The following CYYR1 variants were observed in gnomAD, a reference collection of about 807,000 sequenced individuals.
CYYR1 encodes cysteine and tyrosine rich 1.
In CYYR1, 14 loss-of-function variants were observed where a neutral mutation model predicts 15.2. The observed-to-expected ratio is 0.92, with a 90% CI of 0.61 to 1.44. The LOEUF is 1.44. CYYR1 is among the 40% of genes most tolerant of loss of function. The probability of loss-of-function intolerance (pLI) is 0.00; values close to 1 mark genes in which losing one functional copy is unlikely to be tolerated. For missense variants in CYYR1, 228 were observed against 209.5 expected (o/e 1.09, Z -0.54); for synonymous variants, 80 against 77.4 (o/e 1.03, Z -0.18).
chr21:26,531,212 CA>C (rs1294709309), intron 2 of CYYR1, among the ~76,000 whole-genome samples: 3 of 152,270 alleles, frequency 2.0e-5, no homozygotes, highest in South Asian at 4.1e-4. Context: ...AAACATTTTG[CA>C]TCAGTGGCTC....
At chr21:26,507,242 T>C (rs2065579866) in intron 2 of CYYR1, among the ~76,000 whole-genome samples, 1 of 152,184 alleles carries the variant, frequency 6.6e-6, no homozygotes, top group South Asian at 2.1e-4. Flanking sequence ...CAACAAAACA[T>C]GCCTTATGCT....
chr21:26,544,296 C>T (rs1476153144), intron 2 of CYYR1, among the ~76,000 whole-genome samples: 1 of 152,140 alleles, frequency 6.6e-6, no homozygotes, highest in Admixed American at 6.5e-5. Context: ...AAAATATGAA[C>T]TTAACAAGAC....
At position 26,468,309 on chromosome 21, in the gene CYYR1, T is replaced by C. The variant is rs576779627; in HGVS notation, c.*192A>G. 12 of 614,332 alleles carry C rather than the reference T, an allele frequency of 2.0e-5. No homozygotes were observed. In the South Asian group the frequency reaches 2.2e-4, roughly 11 times the overall value. 38.1% of individuals were successfully genotyped at this position (614,332 alleles called of 1,614,324 possible). A position where few individuals can be genotyped will look rare whatever the true frequency, so the allele number is the denominator to read the frequency against. On this transcript the variant is annotated 3_prime_UTR_variant, in exon 4 of 4. Coordinates refer to ENST00000652641, the MANE Select transcript of CYYR1 (RefSeq NM_001320768.2). ...AATGTGGTTCCATAGAACCAAACAT[T>C]AATACTCCAGATGGGGTCAGCTTTG...
At chr21:26,500,864 CAT>C (rs1310741196) in intron 2 of CYYR1, among the ~76,000 whole-genome samples, 2 of 152,164 alleles carry the variant, frequency 1.3e-5, no homozygotes, top group African/African-American at 4.8e-5. Flanking sequence ...TGTTTTGAGA[CAT>C]AGAAGACTTG....
chr21:26,484,388 C>T (rs1207688677), intron 2 of CYYR1, among the ~76,000 whole-genome samples: 1 of 152,024 alleles, frequency 6.6e-6, no homozygotes, highest in Non-Finnish European at 1.5e-5. Flanking sequence ...AAATAGAATG[C>T]CATTAAGAAT....
At chr21:26,509,609 A>G (rs2065618563) in intron 2 of CYYR1, among the ~76,000 whole-genome samples, 1 of 152,106 alleles carries the variant, frequency 6.6e-6, no homozygotes, top group Non-Finnish European at 1.5e-5. Flanking sequence ...GAAAAAGTTT[A>G]TTTCTTCCTC....
intron 2 of CYYR1, among the ~76,000 whole-genome samples, chr21:26,513,997 G>A (rs2065686553): frequency 6.6e-6 from 1 of 151,718 alleles, no homozygotes; most frequent in Non-Finnish European, 1.5e-5. Context: ...ACACCAACAT[G>A]GCACATGTAT....
At chr21:26,506,620 G>A (rs1687783588) in intron 2 of CYYR1, 1 of 152,162 alleles carries the variant, frequency 6.6e-6, no homozygotes, top group Non-Finnish European at 1.5e-5. Flanking sequence ...TTTTTGGTAT[G>A]AAGATCTCCA....
intron 2 of CYYR1, among the ~76,000 whole-genome samples, chr21:26,563,249 T>C (rs1176740050): frequency 6.6e-6 from 1 of 151,866 alleles, no homozygotes; most frequent in East Asian, 1.9e-4. Context: ...TTGCCAAAAT[T>C]CACTCATATT....
intron 2 of CYYR1, among the ~76,000 whole-genome samples, chr21:26,510,799 A>G (rs189745079): frequency 1.3e-5 from 2 of 152,326 alleles, no homozygotes; most frequent in East Asian, 3.9e-4. Flanking sequence ...AAGTTTGTTG[A>G]GGATGGTAAA....
At chr21:26,476,576 CCTATCTATCATCTATCTATCTAT>C (rs1427022839) in intron 3 of CYYR1, among the ~76,000 whole-genome samples, 3 of 132,456 alleles carry the variant, frequency 2.3e-5, no homozygotes, top group African/African-American at 9.2e-5. Context: ...GTTTGTCTAC[CCTATCTATCATCTATCTATCTAT>C]CTATCTATCT....
chr21:26,502,480 T>G (rs1051910748), intron 2 of CYYR1, among the ~76,000 whole-genome samples: 2 of 152,140 alleles, frequency 1.3e-5, no homozygotes, highest in Non-Finnish European at 2.9e-5. Context: ...AAGTCACTTA[T>G]GAAGTTAAAT....
intron 2 of CYYR1, among the ~76,000 whole-genome samples, chr21:26,563,809 A>C (rs959112457): frequency 2.6e-5 from 4 of 152,102 alleles, no homozygotes; most frequent in African/African-American, 7.2e-5. Flanking sequence ...AAACCAACCA[A>C]TTTGCAAACA....
chr21:26,537,780 C>T (rs112516283), intron 2 of CYYR1, among the ~76,000 whole-genome samples: 1 of 152,014 alleles, frequency 6.6e-6, no homozygotes, highest in African/African-American at 2.4e-5. Context: ...CCCTAATCAC[C>T]CATTTGATGG....
intron 2 of CYYR1, 135 bp from the exon 3 acceptor site, chr21:26,480,564 T>C (rs1424309257): frequency 7.5e-6 from 6 of 801,594 alleles, no homozygotes; most frequent in Non-Finnish European, 1.0e-5. Flanking sequence ...GTTTTTCTTT[T>C]CTTTTTTTTT....
intron 3 of CYYR1, among the ~76,000 whole-genome samples, chr21:26,478,740 A>G (rs2065135041): frequency 6.6e-6 from 1 of 152,150 alleles, no homozygotes; most frequent in Non-Finnish European, 1.5e-5. Context: ...TTATTAGAGT[A>G]AAGGAAGTGA....
chr21:26,564,665 G>A (rs1476154062), intron 2 of CYYR1: 1 of 1,054,926 alleles, frequency 9.5e-7, no homozygotes, highest in Non-Finnish European at 1.2e-6. Flanking sequence ...TTACCAGGGT[G>A]GAGGTAGCTA....
chr21:26,538,206 C>G (rs1299153890), intron 2 of CYYR1, among the ~76,000 whole-genome samples: 1 of 152,152 alleles, frequency 6.6e-6, no homozygotes, highest in African/African-American at 2.4e-5. Context: ...TGGGTGATGA[C>G]ATTGCAGTGA....
intron 2 of CYYR1, among the ~76,000 whole-genome samples, chr21:26,529,691 A>AT (rs2065907288): frequency 1.3e-5 from 2 of 152,224 alleles, no homozygotes; most frequent in African/African-American, 4.8e-5. Context: ...GAATGATATC[A>AT]TCAGTCTCTA....
Sources: allele counts gnomAD v4.1 joint callset (sites outside exome capture counted in the v4.1 genomes callset), GRCh38; gene constraint gnomAD v4.1.1; transcripts MANE v1.5; gene names NCBI Gene and HGNC (gene_info 2026-07-23, HGNC 2026-07-21).